Variants in PRKD2 observed in about 807,000 individuals in gnomAD.
PRKD2 encodes protein kinase D2.
A neutral mutation model predicts 86.0 loss-of-function variants in PRKD2; 22 were observed. The ratio of observed to expected loss-of-function variants is 0.26; its 90% CI spans 0.18 to 0.37. PRKD2 has a LOEUF of 0.37. Ranked by LOEUF, PRKD2 falls within the 10% of genes least tolerant of loss-of-function variation. The pLI, the probability that PRKD2 is intolerant of heterozygous loss-of-function variation, is 1.00. For missense variants in PRKD2, 818 were observed against 1,199.2 expected (o/e 0.68, Z 4.70); for synonymous variants, 509 against 510.9 (o/e 1.00, Z 0.05).
At chr19:46,707,783 G>C (rs544619200) in intron 3 of PRKD2, among the ~76,000 whole-genome samples, 1 of 152,026 alleles carries the variant, frequency 6.6e-6, no homozygotes, top group Admixed American at 6.6e-5. Flanking sequence ...GCTGAACCTT[G>C]AGACATCTTG....
rs1167948176 is a variant in PRKD2, at chr19:46,678,344, C to A, written c.2338+52G>T. On this transcript the variant is annotated intron_variant, in intron 16 of 17. Coordinates refer to ENST00000291281, the MANE Select transcript of PRKD2 (RefSeq NM_016457.5). This position sits in a 1 kb window ranked among gnomAD's most constrained non-coding sequence, Gnocchi z 5.7. The stretch of plus-strand genomic sequence containing the variant: ...CCCTCTCATGGCTCCGCCCACTTCT[C>A]CAGCCCCACCCCACAACCCACCCGC... 3.8e-6 allele frequency: 6 copies of A among 1,592,250 alleles called. No homozygotes were observed. Among genetic ancestry groups the A allele is most frequent in the Non-Finnish European group, 4.3e-6 (5 of 1,171,166 alleles).
intron 5 of PRKD2, among the ~76,000 whole-genome samples, chr19:46,702,277 C>T (rs770431383): frequency 2.0e-5 from 3 of 151,818 alleles, no homozygotes; most frequent in Non-Finnish European, 4.4e-5. Context: ...TGGGCTCAAG[C>T]AATCCACCCA....
At chr19:46,705,501 T>C (rs1214111456) in intron 3 of PRKD2, among the ~76,000 whole-genome samples, 1 of 152,138 alleles carries the variant, frequency 6.6e-6, no homozygotes, top group Non-Finnish European at 1.5e-5. Context: ...ATCTTAGTAG[T>C]GTGGGCCACG....
chr19:46,694,034 T>C lies in PRKD2; in HGVS notation c.1417A>G (p.Asn473Asp), dbSNP rs765711862. ...ATCTCGCCCACGAAGTAGGTGGCAT[T>C]GGCAGTGACGATCTCAAAGCAGTGT... ...NPHCFEIVTA[N>D]ATYFVGEMPG... The change falls in exon 10 of 18, where the codon AAT (asparagine) becomes GAT (aspartate). Residue 473 changes from asparagine to aspartate, a missense_variant. Physicochemically the swap from Asn to Asp is conservative, Grantham distance 23 (BLOSUM62 1). This residue lies in a region of PRKD2 where 127 missense variants were observed against 157.8 expected (regional missense o/e 0.80). Transcript: ENST00000291281. 6.2e-7 allele frequency: 1 copy of C among 1,614,166 alleles called. No individual in the cohort carries two copies. The highest frequency in any genetic ancestry group is 1.7e-5 in the Admixed American group (1 of 60,018).
chr19:46,706,723 C>T lies in PRKD2; in HGVS notation c.512-2074G>A, dbSNP rs41426544. ...CAGGGCTGTATCATGACAAAGACTG[C>T]ATATGCTGAGACCTCAAGAGTTGGA... On this transcript the variant is annotated intron_variant, in intron 3 of 17. Transcript: ENST00000291281. Among the ~76,000 whole-genome samples, 1,264 of 152,214 alleles carry T rather than the reference C, an allele frequency of 8.3e-3. 17 individuals carry two copies. The highest frequency in any genetic ancestry group is 0.027 in the African/African-American group (1,132 of 41,514).
intron 9 of PRKD2, among the ~76,000 whole-genome samples, chr19:46,695,067 G>A (rs1280042415): frequency 6.6e-6 from 1 of 152,120 alleles, no homozygotes; most frequent in East Asian, 1.9e-4. Flanking sequence ...GCCAGGTGTG[G>A]TGGTGCGCAC....
rs2053684371 is a variant in PRKD2 at position 46,704,560 on chromosome 19, G to C, written c.601C>G (p.Leu201Val). The C allele has an allele frequency of 1.2e-6, 2 of 1,614,164 alleles. No individual in the cohort carries two copies. Among genetic ancestry groups the C allele is most frequent in the Non-Finnish European group, 1.7e-6 (2 of 1,180,006 alleles). The change falls in exon 4 of 18, where the codon CTG (leucine) becomes GTG (valine). Residue 201 changes from leucine (L) to valine (V), a missense_variant. By Grantham distance (32) the Leu-to-Val change is conservative. Around this residue, in one of 5 missense-constraint regions of PRKD2, gnomAD observed 403 missense variants for 518.6 expected, o/e 0.78. Coordinates refer to ENST00000291281, the MANE Select transcript of PRKD2 (RefSeq NM_016457.5). ...AGGCGCACCGAGTGGCCACTGGCCA[G>C]AGACGTGGATGACAGGCGCCGTTTG... ...ARKRRLSSTS[L>V]ASGHSVRLGT...
Position 46,697,254 on chromosome 19 carries a change from G to C in PRKD2, c.1240-20C>G. ...CTTTCTCTGCAGAGATGTTTGAAGA[G>C]TCACGTGAACCGCCAGACTTTCCTG... is the stretch of plus-strand genomic sequence containing the variant. On this transcript the variant is annotated intron_variant, in intron 8 of 17. Coordinates refer to ENST00000291281, the MANE Select transcript of PRKD2 (RefSeq NM_016457.5). 6.4e-7 allele frequency: 1 copy of C among 1,551,648 alleles called. No individual in the cohort carries two copies. Among genetic ancestry groups the C allele is most frequent in the Non-Finnish European group, 8.9e-7 (1 of 1,126,398 alleles).
intron 10 of PRKD2, 79 bp from the exon 11 acceptor site, chr19:46,692,064 G>A: frequency 7.0e-7 from 1 of 1,429,968 alleles, no homozygotes; most frequent in Non-Finnish European, 9.9e-7. Flanking sequence ...AAGCAGACTT[G>A]GGAGTCAGGC....
At chr19:46,690,841 G>A in intron 12 of PRKD2, 135 bp from the exon 13 acceptor site, 1 of 729,798 alleles carries the variant, frequency 1.4e-6, no homozygotes, top group Middle Eastern at 3.3e-4. Context: ...AAGGCCCCAG[G>A]AGATACGTGA....
chr19:46,692,083 T>A, intron 10 of PRKD2, 98 bp from the exon 11 acceptor site: 4 of 1,215,708 alleles, frequency 3.3e-6, no homozygotes, highest in Non-Finnish European at 4.9e-6. Context: ...GCCACCCAGA[T>A]TTGAATCCAA....
intron 4 of PRKD2, 43 bp downstream of exon 4, chr19:46,704,452 C>T (rs371623440): frequency 6.2e-7 from 1 of 1,613,860 alleles, no homozygotes; most frequent in Non-Finnish European, 8.5e-7. Flanking sequence ...TGGGCCAAGT[C>T]ACCCCCCTAG....
intron 14 of PRKD2, among the ~76,000 whole-genome samples, chr19:46,688,143 G>A (rs1301758864): frequency 6.6e-6 from 1 of 152,040 alleles, no homozygotes; most frequent in East Asian, 1.9e-4. Flanking sequence ...TCTTGCCTTG[G>A]CCTCCCAAAG....
At chr19:46,674,939 C>T (rs2053174088) in intron 17 of PRKD2, 94 bp downstream of exon 17, 3 of 1,330,978 alleles carry the variant, frequency 2.3e-6, no homozygotes, top group Non-Finnish European at 1.0e-6. Context: ...CCCAAGGAAA[C>T]CTACATCCTT....
At chr19:46,698,168 C>T (rs2053588078) in intron 7 of PRKD2, among the ~76,000 whole-genome samples, 1 of 152,060 alleles carries the variant, frequency 6.6e-6, no homozygotes, top group Admixed American at 6.6e-5. Context: ...GTGCACGCCA[C>T]CACCCCTGGC....
At chr19:46,699,964 G>A (rs183990645) in intron 7 of PRKD2, among the ~76,000 whole-genome samples, 194 of 151,322 alleles carry the variant, frequency 1.3e-3, no homozygotes, top group African/African-American at 4.4e-3. Flanking sequence ...GGTCAGGCGC[G>A]GTGGCTCATG....
intron 1 of PRKD2, chr19:46,714,262 G>A (rs2053851535): frequency 1.6e-6 from 2 of 1,260,008 alleles, no homozygotes; most frequent in Admixed American, 3.5e-5. Flanking sequence ...GAGTGGCTCC[G>A]GGAGCGTGGA....
chr19:46,710,053 A>G (rs982763729), intron 3 of PRKD2, among the ~76,000 whole-genome samples: 21 of 151,724 alleles, frequency 1.4e-4, no homozygotes, highest in African/African-American at 5.1e-4. Context: ...GTGTGCCACC[A>G]CGTCCGGCTA....
chr19:46,713,023 T>A (rs1328590600), intron 2 of PRKD2, among the ~76,000 whole-genome samples: 1 of 151,898 alleles, frequency 6.6e-6, no homozygotes, highest in Non-Finnish European at 1.5e-5. Context: ...TTTTTCTACT[T>A]TTTTTCTTTT....
Sources: gnomAD v4.1 joint callset for allele counts (sites outside exome capture counted in the v4.1 genomes callset) on GRCh38, gnomAD v4.1.1 for gene constraint, gnomAD v4.1.1 regional missense constraint, Gnocchi (gnomAD v3.1) non-coding constraint, MANE v1.5 for transcripts, NCBI Gene and HGNC (gene_info 2026-07-23, HGNC 2026-07-21) for gene names.